Variants in RGS6 observed in about 807,000 individuals in gnomAD.
The protein encoded by RGS6 is regulator of G protein signaling 6.
In RGS6, 30 loss-of-function variants were observed where a neutral mutation model predicts 78.5. That is an observed-to-expected ratio of 0.38 (90% CI 0.29 to 0.52). The LOEUF is 0.52. Among genes scored for constraint, RGS6 ranks in the 20% least tolerant of loss-of-function variants. RGS6 has a pLI of 0.85. For missense variants in RGS6, 495 were observed against 609.7 expected (o/e 0.81, Z 1.98); for synonymous variants, 206 against 206.0 (o/e 1.00, Z 0.00).
intron 2 of RGS6, among the ~76,000 whole-genome samples, chr14:72,129,826 C>G (rs557644068): frequency 1.0e-3 from 156 of 152,228 alleles, no homozygotes; most frequent in African/African-American, 3.3e-3. Context: ...GGGGCCAGAC[C>G]AGATTCAAAG....
intron 2 of RGS6, among the ~76,000 whole-genome samples, chr14:72,066,298 GA>G (rs2094141390): frequency 6.6e-6 from 1 of 151,964 alleles, no homozygotes; most frequent in Non-Finnish European, 1.5e-5. Context: ...TAACAGTTTG[GA>G]AAAACTCTGT....
chr14:71,995,143 CT>C (rs1197014621), intron 2 of RGS6, among the ~76,000 whole-genome samples: 1 of 152,196 alleles, frequency 6.6e-6, no homozygotes, highest in Non-Finnish European at 1.5e-5. Context: ...CTCCAAACCC[CT>C]TTTCCCTCAT....
intron 1 of RGS6, among the ~76,000 whole-genome samples, chr14:71,963,042 G>A (rs997213899): frequency 6.6e-6 from 1 of 152,166 alleles, no homozygotes; most frequent in African/African-American, 2.4e-5. Context: ...TTTATACTCT[G>A]CTCTCATACT....
At chr14:72,176,830 C>A (rs762451604) in intron 2 of RGS6, among the ~76,000 whole-genome samples, 2 of 152,318 alleles carry the variant, frequency 1.3e-5, no homozygotes, top group Non-Finnish European at 2.9e-5. Context: ...CACACGCTCG[C>A]CCATGTAATG....
At chr14:72,363,284 G>T (rs1375375291) in intron 3 of RGS6, among the ~76,000 whole-genome samples, 1 of 152,210 alleles carries the variant, frequency 6.6e-6, no homozygotes, top group Non-Finnish European at 1.5e-5. Flanking sequence ...AATGAGGAGT[G>T]TGGAGACTAG....
intron 2 of RGS6, among the ~76,000 whole-genome samples, chr14:71,986,303 A>G (rs1168377333): frequency 1.3e-5 from 2 of 152,188 alleles, no homozygotes; most frequent in Non-Finnish European, 2.9e-5. Flanking sequence ...AATGAGATTC[A>G]GTGGCTAACT....
rs570912369 is a variant in RGS6, at chr14:72,102,648, C to T, written c.84+137773C>T. Among the ~76,000 whole-genome samples, 5 of 152,294 alleles carry T rather than the reference C, an allele frequency of 3.3e-5. 1 individual carries two copies. In the South Asian group the frequency reaches 1.0e-3, roughly 32 times the overall value. Reference sequence around the variant, plus strand: ...CATGCCTAACTGTAAAGCACCTTTCCTTGGTCTAAAGGCCAGTGACAGTTC... The same window carrying T: ...CATGCCTAACTGTAAAGCACCTTTCTTTGGTCTAAAGGCCAGTGACAGTTC... On this transcript the variant is annotated intron_variant, in intron 2 of 17. Transcript: ENST00000553525.
chr14:72,343,757 A>G (rs2077475111), intron 2 of RGS6, among the ~76,000 whole-genome samples: 1 of 152,196 alleles, frequency 6.6e-6, no homozygotes, highest in Non-Finnish European at 1.5e-5. Flanking sequence ...AATCTCATTT[A>G]TCCAGCAGTC....
intron 2 of RGS6, among the ~76,000 whole-genome samples, chr14:72,112,227 C>A (rs1438103365): frequency 6.6e-6 from 1 of 152,182 alleles, no homozygotes; most frequent in Non-Finnish European, 1.5e-5. Context: ...CAACACATGC[C>A]ATGTAGTTAG....
At chr14:72,364,027 C>T (rs993492434) in intron 3 of RGS6, among the ~76,000 whole-genome samples, 3 of 91,254 alleles carry the variant, frequency 3.3e-5, no homozygotes, top group South Asian at 3.5e-4. Context: ...AAAAAAAAAA[C>T]TCTATATTTA....
chr14:72,138,286 G>A (rs773779137), intron 2 of RGS6, among the ~76,000 whole-genome samples: 4 of 151,952 alleles, frequency 2.6e-5, no homozygotes, highest in Admixed American at 6.6e-5. Flanking sequence ...GGGAACCTGC[G>A]GAGATGGAGA....
intron 17 of RGS6, among the ~76,000 whole-genome samples, chr14:72,557,043 C>T (rs1365489012): frequency 2.6e-5 from 4 of 152,200 alleles, no homozygotes; most frequent in African/African-American, 4.8e-5. Flanking sequence ...CACAGGCTCC[C>T]GCCCCTCCTC....
chr14:72,336,202 G>C (rs1032606605), intron 2 of RGS6, among the ~76,000 whole-genome samples: 2 of 152,032 alleles, frequency 1.3e-5, no homozygotes, highest in African/African-American at 4.8e-5. Context: ...TAAGTATAAG[G>C]GTTTACATTT....
At chr14:72,605,224 G>A in the RGS6 span, among the ~76,000 whole-genome samples, 3 of 152,214 alleles carry the variant, frequency 2.0e-5, no homozygotes, top group African/African-American at 7.2e-5. Flanking sequence ...CTGGAGAAGG[G>A]GATGGGAAGG....
intron 17 of RGS6, among the ~76,000 whole-genome samples, chr14:72,558,775 A>G (rs1351661024): frequency 6.6e-6 from 1 of 152,182 alleles, no homozygotes; most frequent in Non-Finnish European, 1.5e-5. Flanking sequence ...CACTTTGCCA[A>G]ATGTCTCAAA....
chr14:72,522,187 T>C (rs1004807026), intron 15 of RGS6, among the ~76,000 whole-genome samples: 9 of 152,214 alleles, frequency 5.9e-5, no homozygotes, highest in African/African-American at 1.9e-4. Flanking sequence ...GAGGGCTCAC[T>C]TCCTGGCTTG....
At chr14:72,300,388 T>C (rs1482530815) in intron 2 of RGS6, among the ~76,000 whole-genome samples, 1 of 152,184 alleles carries the variant, frequency 6.6e-6, no homozygotes, top group Non-Finnish European at 1.5e-5. Flanking sequence ...CTGCTTAGGT[T>C]GGAAGAATAT....
intron 2 of RGS6, among the ~76,000 whole-genome samples, chr14:72,027,484 C>A (rs2090103244): frequency 6.6e-6 from 1 of 152,102 alleles, no homozygotes; most frequent in Admixed American, 6.6e-5. Context: ...TGTGTGCTAC[C>A]AAATCTGCCC....
the RGS6 span, among the ~76,000 whole-genome samples, chr14:72,578,403 C>T: frequency 6.6e-6 from 1 of 152,190 alleles, no homozygotes; most frequent in African/African-American, 2.4e-5. Flanking sequence ...TCTGTGTTCA[C>T]TCTATCCCTT....
Sources: allele counts gnomAD v4.1 joint callset (sites outside exome capture counted in the v4.1 genomes callset), GRCh38; gene constraint gnomAD v4.1.1; transcripts MANE v1.5; gene names NCBI Gene and HGNC (gene_info 2026-07-23, HGNC 2026-07-21).